ACAP3: variants seen among roughly 807,000 people sequenced by gnomAD.
ACAP3 encodes ArfGAP with coiled-coil, ankyrin repeat and PH domains 3, also known as arf-GAP with coiled-coil, ANK repeat and PH domain-containing protein 3.
ACAP3 carries 56 observed loss-of-function variants against 104.1 expected under a neutral mutation model. That is an observed-to-expected ratio of 0.54 (90% CI 0.43 to 0.67). The LOEUF is 0.67. Among genes scored for constraint, ACAP3 ranks in the 30% least tolerant of loss-of-function variants. The pLI, the probability that ACAP3 is intolerant of heterozygous loss-of-function variation, is 0.00. For synonymous variants in ACAP3, 628 were observed against 496.2 expected (o/e 1.27, Z -3.53); for missense variants, 1,208 against 1,174.9 (o/e 1.03, Z -0.41).
intron 6 of ACAP3, 113 bp downstream of exon 6, chr1:1,300,396 G>T: frequency 7.7e-7 from 1 of 1,306,956 alleles, no homozygotes; most frequent in Non-Finnish European, 1.0e-6. Flanking sequence ...CCACCCATGG[G>T]CAAAGCAAGA....
In ACAP3 at chr1:1,303,047, G is replaced by A; in HGVS notation, c.226-72C>T. 1.3e-6 allele frequency: 2 copies of A among 1,560,260 alleles called. No individual in the cohort carries two copies. The highest frequency in any genetic ancestry group is 1.2e-5 in the South Asian group (1 of 84,912). ...CAGGTCACCCAGCCACGCCCTCTGA[G>A]CCCCTGGGCGGTGCAGACACCGGCC... is the stretch of plus-strand genomic sequence containing the variant. On this transcript the variant is annotated intron_variant, in intron 3 of 23. Coordinates refer to ENST00000354700, the MANE Select transcript of ACAP3 (RefSeq NM_030649.3). This position sits in a 1 kb window ranked among gnomAD's most constrained non-coding sequence, Gnocchi z 4.0.
Position 1,303,054 on chromosome 1 carries a change from G to A in ACAP3, c.226-79C>T. 1 of 1,558,450 alleles carries A rather than the reference G, an allele frequency of 6.4e-7. No homozygotes were observed. The highest frequency in any genetic ancestry group is 8.7e-7 in the Non-Finnish European group (1 of 1,150,490). ...CCCAGCCACGCCCTCTGAGCCCCTGGGCGGTGCAGACACCGGCCTGCTTCT... is the reference window on the plus strand; with the variant it reads ...CCCAGCCACGCCCTCTGAGCCCCTGAGCGGTGCAGACACCGGCCTGCTTCT... On this transcript the variant is annotated intron_variant, in intron 3 of 23. Coordinates refer to ENST00000354700, the MANE Select transcript of ACAP3 (RefSeq NM_030649.3). The surrounding 1 kb of genome is among the most constrained non-coding windows in gnomAD (Gnocchi z 4.0).
intron 5 of ACAP3, chr1:1,301,618 G>C: frequency 5.7e-6 from 1 of 174,256 alleles, no homozygotes; most frequent in Non-Finnish European, 1.2e-5. Context: ...TTCCTCACCA[G>C]CCTATCCCAG....
At chr1:1,295,312 C>CTG in intron 19 of ACAP3, 135 bp downstream of exon 19, 1 of 740,604 alleles carries the variant, frequency 1.4e-6, no homozygotes, top group Non-Finnish European at 2.2e-6. Context: ...TGGCCTCCAG[C>CTG]TGTGTGGCCA....
At chr1:1,305,429 A>T (rs1335181305) in intron 1 of ACAP3, 1 of 152,568 alleles carries the variant, frequency 6.6e-6, no homozygotes, top group East Asian at 1.9e-4. Context: ...ACACCCCAGG[A>T]GTTGCAGCCA....
In ACAP3 at chr1:1,300,602, C is replaced by T. The variant is rs773480203; in HGVS notation, c.429G>A (p.Pro143=). ...ELSLVRNAQA[P]RHRPHEVEEA... The stretch of plus-strand genomic sequence containing the variant: ...CCTCCACCTCGTGGGGCCGGTGCCT[C>T]GGGGCCTGGGCGTTCCTCACCAGGG... Residue 143 remains proline (P), a synonymous_variant, in exon 6 of 24, where the codon CCG becomes CCA. Coordinates refer to ENST00000354700, the MANE Select transcript of ACAP3 (RefSeq NM_030649.3). 5.0e-5 allele frequency: 81 copies of T among 1,609,518 alleles called. 2 individuals are homozygous for T. In the South Asian group the frequency reaches 7.2e-4, roughly 14 times the overall value.
At position 1,307,502 on chromosome 1, in the gene ACAP3, G is replaced by A. The variant is rs938198954; in HGVS notation, c.47+267C>T. The A allele has an allele frequency of 1.3e-5, 16 of 1,223,264 alleles. No homozygotes were observed. The East Asian group carries it at 1.6e-4, about 13-fold the overall frequency. 75.8% of individuals were successfully genotyped at this position (1,223,264 alleles called of 1,614,324 possible). On this transcript the variant is annotated intron_variant, in intron 1 of 23. Coordinates refer to ENST00000354700, the MANE Select transcript of ACAP3 (RefSeq NM_030649.3). ...TCAGCCCAGTGGAGGTGCAGACACA[G>A]AGCGGGGGCGGACGGTCCCGAGGTG...
In ACAP3 at chr1:1,303,714, C is replaced by A; in HGVS notation, c.105+372G>T. ...CCATGTGGGGCTCATGGACACGGCT[C>A]CCCCCTCCACGGCCTGTTGCCCCCT... On this transcript the variant is annotated intron_variant, in intron 2 of 23. Transcript: ENST00000354700. The surrounding 1 kb of genome is among the most constrained non-coding windows in gnomAD (Gnocchi z 4.0). The A allele has an allele frequency of 2.4e-6, 1 of 415,556 alleles. No individual in the cohort carries two copies. The highest frequency in any genetic ancestry group is 4.4e-6 in the Non-Finnish European group (1 of 226,946). 25.7% of individuals were successfully genotyped at this position (415,556 alleles called of 1,614,324 possible).
Position 1,297,887 on chromosome 1 carries a change from C to G in ACAP3, c.1063G>C (p.Val355Leu). The change falls in exon 14 of 24, where the codon GTC (valine) becomes CTC (leucine). Residue 355 changes from valine (V) to leucine (L), a missense_variant. Val to Leu is a conservative substitution (Grantham distance 32). Transcript: ENST00000354700. Reference protein sequence around the residue: ...ADSEKLRQAWVQAVQASIASA... With the variant: ...ADSEKLRQAWLQAVQASIASA... ...GCGATGCTGGCCTGCACAGCCTGGA[C>G]CCAGGCTTGCCGCAGCTTCTCGGAG... The G allele has an allele frequency of 1.2e-6, 2 of 1,612,088 alleles. No individual in the cohort carries two copies. Among genetic ancestry groups the G allele is most frequent in the South Asian group, 1.1e-5 (1 of 91,070 alleles).
intron 4 of ACAP3, 127 bp downstream of exon 4, chr1:1,302,795 T>TTTCCC: frequency 6.0e-6 from 1 of 167,382 alleles, no homozygotes; most frequent in Non-Finnish European, 1.3e-5. Flanking sequence ...AATGTGGGAT[T>TTTCCC]CCCCCCCCCC....
Position 1,307,515 on chromosome 1 carries a change from C to G in ACAP3, c.47+254G>C, listed in dbSNP as rs560863112. ...GGTGCAGACACAGAGCGGGGGCGGA[C>G]GGTCCCGAGGTGCCCACGGCTGCCC... On this transcript the variant is annotated intron_variant, in intron 1 of 23. Coordinates refer to ENST00000354700, the MANE Select transcript of ACAP3 (RefSeq NM_030649.3). The G allele has an allele frequency of 1.4e-5, 17 of 1,188,070 alleles. No individual in the cohort carries two copies. The Admixed American group carries it at 1.9e-4, about 13-fold the overall frequency. 73.6% of individuals were successfully genotyped at this position (1,188,070 alleles called of 1,614,324 possible).
At position 1,295,843 on chromosome 1, in the gene ACAP3, C is replaced by T; in HGVS notation, c.1598G>A (p.Trp533Ter). Reference protein sequence around the residue: ...MAPALEAPRRWRVQKCLRPHS... With the variant: ...MAPALEAPRR ...GGGCCGCAGGCACTTCTGCACCCTC[C>T]AGCGTCTTGGGGCCTCCAGGGCTGG... Residue 533 changes from tryptophan to a stop codon, truncating the protein, a stop_gained, in exon 18 of 24, where the codon TGG (tryptophan) becomes TAG (stop). Coordinates refer to ENST00000354700, the MANE Select transcript of ACAP3 (RefSeq NM_030649.3). LOFTEE classifies it high-confidence loss of function. The T allele has an allele frequency of 6.2e-7, 1 of 1,611,528 alleles. No individual in the cohort carries two copies. Among genetic ancestry groups the T allele is most frequent in the Non-Finnish European group, 8.5e-7 (1 of 1,179,956 alleles).
At chr1:1,297,692 C>T (rs1406142993) in intron 14 of ACAP3, 130 bp downstream of exon 14, 3 of 640,716 alleles carry the variant, frequency 4.7e-6, no homozygotes, top group Non-Finnish European at 4.1e-6. Flanking sequence ...CCCGGTGGCA[C>T]GTGTGCACGG....
chr1:1,296,089 GT>G lies in ACAP3; in HGVS notation c.1427del (p.Asn476ThrfsTer4). 6.2e-7 allele frequency: 1 copy of G among 1,612,782 alleles called. No homozygotes were observed. Among genetic ancestry groups the G allele is most frequent in the Non-Finnish European group, 8.5e-7 (1 of 1,179,972 alleles). ...ELLKLMCELG[N>X]SAVNQIYEAQ... ...CCTCATAGATCTGATTCACAGCGCT[GT>G]TTCCAAGCTCACACATCAGCTAGCG... On this transcript the variant is annotated frameshift_variant, in exon 17 of 24. Transcript: ENST00000354700. LOFTEE classifies it high-confidence loss of function.
At chr1:1,304,378 G>T in intron 1 of ACAP3, 1 of 593,732 alleles carries the variant, frequency 1.7e-6, no homozygotes, top group Non-Finnish European at 3.0e-6. Context: ...CCTCGGGGAA[G>T]AAGGCTGGAC....
intron 11 of ACAP3, 63 bp downstream of exon 11, chr1:1,298,504 C>T: frequency 7.3e-7 from 1 of 1,367,038 alleles, no homozygotes; most frequent in South Asian, 1.5e-5. Flanking sequence ...GAGGACCCCA[C>T]CCCCGCCTGA....
chr1:1,302,836 C>T (rs74045417), intron 4 of ACAP3, 86 bp downstream of exon 4: 6 of 917,452 alleles, frequency 6.5e-6, no homozygotes, highest in Non-Finnish European at 7.9e-6. Flanking sequence ...GTGCCCCCCC[C>T]AACCCGACGC....
At chr1:1,298,802 C>A (rs1641314759) in intron 10 of ACAP3, 123 bp from the exon 11 acceptor site, 4 of 722,104 alleles carry the variant, frequency 5.5e-6, no homozygotes, top group African/African-American at 3.6e-5. Context: ...CCACGGACCA[C>A]ACGCTCAGAC....
In ACAP3 at chr1:1,294,607, G is replaced by A. The variant is rs768874810; in HGVS notation, c.1934C>T (p.Ser645Phe). 2.8e-5 allele frequency: 42 copies of A among 1,521,568 alleles called. No homozygotes were observed. Among genetic ancestry groups the A allele is most frequent in the Non-Finnish European group, 3.2e-5 (36 of 1,136,792 alleles). The allele number at this position is 1,521,568 out of a possible 1,614,324, so 94.3% of individuals were successfully genotyped here. The change falls in exon 21 of 24, where the codon TCC becomes TTC. Residue 645 changes from serine to phenylalanine, a missense_variant. Coordinates refer to ENST00000354700, the MANE Select transcript of ACAP3 (RefSeq NM_030649.3). ...AGTGTCCCCGTCTGCCTCACCGCTG[G>A]ACTCCTCCGACTCTGCACCCTCTGT... ...TEEEGAESEE[S>F]SGEADGDTEA... is the part of the protein sequence containing the mutation.
Sources: allele counts gnomAD v4.1 joint callset, GRCh38; gene constraint gnomAD v4.1.1; non-coding constraint Gnocchi (gnomAD v3.1); transcripts MANE v1.5; gene names NCBI Gene and HGNC (gene_info 2026-07-23, HGNC 2026-07-21).